Variants in DNAH8 observed in about 807,000 individuals in gnomAD.
DNAH8 encodes axonemal beta dynein heavy chain 8.
DNAH8 carries 382 observed loss-of-function variants against 562.1 expected under a neutral mutation model. The observed-to-expected ratio is 0.68, with a 90% CI of 0.63 to 0.74. DNAH8 has a LOEUF of 0.74. Ranked by LOEUF, DNAH8 falls within the 30% of genes least tolerant of loss-of-function variation. The pLI is 0.00. For missense variants in DNAH8, 5,203 were observed against 5,620.4 expected, an observed-to-expected ratio of 0.93 and a Z score of 2.37; for synonymous variants, 1,881 against 1,919.4, an observed-to-expected ratio of 0.98 and a Z score of 0.52.
intron 89 of DNAH8, among the ~76,000 whole-genome samples, chr6:39,011,164 C>T (rs1766188331): frequency 1.7e-5 from 2 of 121,068 alleles, no homozygotes; most frequent in East Asian, 2.8e-4. Context: ...CTAGAAACAA[C>T]CCAATTGCAG....
intron 88 of DNAH8, among the ~76,000 whole-genome samples, chr6:38,995,508 C>T (rs1287954274): frequency 6.6e-6 from 1 of 152,170 alleles, no homozygotes; most frequent in African/African-American, 2.4e-5. Context: ...CCTGTGAAAC[C>T]ATCTGGGCTC....
At chr6:38,793,190 G>A (rs1042713519) in intron 21 of DNAH8, among the ~76,000 whole-genome samples, 116 of 152,200 alleles carry the variant, frequency 7.6e-4, no homozygotes, top group African/African-American at 2.6e-3. Context: ...GATGAGGTCT[G>A]CCACCCAGCC....
chr6:38,812,457 T>C (rs1771883463), intron 24 of DNAH8, among the ~76,000 whole-genome samples: 1 of 152,192 alleles, frequency 6.6e-6, no homozygotes, highest in African/African-American at 2.4e-5. Context: ...GTCTAAAATG[T>C]CTTTCTCTTA....
intron 79 of DNAH8, among the ~76,000 whole-genome samples, chr6:38,941,585 G>A: frequency 6.6e-6 from 1 of 152,154 alleles, no homozygotes; most frequent in African/African-American, 2.4e-5. Flanking sequence ...ATCTAGGGTG[G>A]GGAGGAGGCA....
Position 38,973,695 on chromosome 6 carries a change from G to A in DNAH8, c.12560G>A (p.Gly4187Asp), listed in dbSNP as rs894806968. The part of the protein sequence containing the change: ...GWVLLQNCHL[G>D]LEFMEELLET... ...GTATTACTACAAAATTGCCACCTTG[G>A]CCTGGAATTCATGGAAGAATTACTA... The change falls in exon 84 of 93, where the codon GGC (glycine) becomes GAC (aspartate). Residue 4187 changes from glycine to aspartate, a missense_variant. This residue lies in a region of DNAH8 where 1,399 missense variants were observed against 1,518.4 expected (regional missense o/e 0.92). Transcript: ENST00000327475. 5 of 1,605,902 alleles carry A rather than the reference G, an allele frequency of 3.1e-6. No individual in the cohort carries two copies. The African/African-American group carries it at 6.7e-5, about 22-fold the overall frequency.
Position 38,873,023 on chromosome 6 carries a change from T to C in DNAH8, c.7355T>C (p.Met2452Thr), listed in dbSNP as rs376153263. The C allele has an allele frequency of 6.2e-7, 1 of 1,614,130 alleles. No homozygotes were observed. The highest frequency in any genetic ancestry group is 2.2e-5 in the East Asian group (1 of 44,872). The change falls in exon 51 of 93, where the codon ATG becomes ACG. Residue 2452 changes from methionine to threonine, a missense_variant. By Grantham distance (81) the Met-to-Thr change is moderately conservative. Transcript: ENST00000327475. ...TTAGCTAATGGAGATCGCATTCCCA[T>C]GGCCCCTAGTTGTAAGCTTCTGTTT... ...LTLANGDRIPMAPSCKLLFEV... is the reference protein window; with the variant it reads ...LTLANGDRIPTAPSCKLLFEV...
chr6:38,717,125 T>A (rs963546072), intron 1 of DNAH8, among the ~76,000 whole-genome samples: 7 of 152,098 alleles, frequency 4.6e-5, no homozygotes, highest in African/African-American at 1.7e-4. Flanking sequence ...GGTAGGAGGA[T>A]CGCTTGAGCC....
intron 23 of DNAH8, among the ~76,000 whole-genome samples, chr6:38,805,913 G>A (rs565385843): frequency 6.6e-6 from 1 of 152,318 alleles, no homozygotes; most frequent in South Asian, 2.1e-4. Flanking sequence ...TCAGAATGGA[G>A]AACTTTGTTC....
chr6:38,770,947 T>C (rs1470827667), intron 12 of DNAH8, among the ~76,000 whole-genome samples: 4 of 152,246 alleles, frequency 2.6e-5, no homozygotes, highest in Non-Finnish European at 5.9e-5. Flanking sequence ...GTCCTCTTTC[T>C]GAGCCAGTGT....
At chr6:38,748,018 A>G (rs1765104341) in intron 8 of DNAH8, among the ~76,000 whole-genome samples, 1 of 152,182 alleles carries the variant, frequency 6.6e-6, no homozygotes, top group African/African-American at 2.4e-5. Context: ...ATGCACCACA[A>G]TTTATTTATC....
intron 79 of DNAH8, among the ~76,000 whole-genome samples, chr6:38,942,918 A>G (rs1287488095): frequency 2.6e-5 from 4 of 152,212 alleles, no homozygotes; most frequent in African/African-American, 9.6e-5. Flanking sequence ...ACCAGAGGAG[A>G]CTGAGAAACA....
chr6:39,013,395 G>A (rs770906363), intron 91 of DNAH8, among the ~76,000 whole-genome samples: 7 of 152,150 alleles, frequency 4.6e-5, no homozygotes, highest in Non-Finnish European at 7.3e-5. Flanking sequence ...GTTTCTTGTA[G>A]CAATATAGGT....
At chr6:38,927,373 G>C (rs6933584) in intron 74 of DNAH8, among the ~76,000 whole-genome samples, 100,518 of 152,050 alleles carry the variant, frequency 0.66, 33,755 homozygotes, top group African/African-American at 0.77. Flanking sequence ...GCCCAGTGCT[G>C]GGAAGCACAC....
At chr6:38,995,990 A>G (rs1412641625) in intron 88 of DNAH8, among the ~76,000 whole-genome samples, 2 of 152,230 alleles carry the variant, frequency 1.3e-5, no homozygotes, top group Non-Finnish European at 2.9e-5. Flanking sequence ...ACTAAGAAGG[A>G]ACTTAGTATT....
At chr6:38,906,106 A>G (rs1174451525) in intron 62 of DNAH8, 148 bp from the exon 63 acceptor site, 4 of 388,866 alleles carry the variant, frequency 1.0e-5, no homozygotes, top group Non-Finnish European at 1.9e-5. Context: ...ATGGGGTTTC[A>G]CCATGTTGGT....
intron 8 of DNAH8, among the ~76,000 whole-genome samples, chr6:38,749,607 A>G (rs1483623858): frequency 6.6e-6 from 1 of 152,154 alleles, no homozygotes; most frequent in East Asian, 1.9e-4. Flanking sequence ...TTTGAATAAA[A>G]GACTTAGTGA....
At chr6:38,801,509 A>G (rs1770775623) in intron 21 of DNAH8, among the ~76,000 whole-genome samples, 1 of 152,196 alleles carries the variant, frequency 6.6e-6, no homozygotes, top group Non-Finnish European at 1.5e-5. Context: ...GGGGATTTCA[A>G]AGCTGGGATG....
At chr6:38,958,534 A>G (rs1194848968) in intron 82 of DNAH8, among the ~76,000 whole-genome samples, 5 of 151,258 alleles carry the variant, frequency 3.3e-5, no homozygotes, top group Non-Finnish European at 7.4e-5. Flanking sequence ...CTTAGAATAA[A>G]TGGATAAATT....
At chr6:38,849,942 A>G (rs1775611057) in intron 37 of DNAH8, among the ~76,000 whole-genome samples, 2 of 152,146 alleles carry the variant, frequency 1.3e-5, no homozygotes, top group Non-Finnish European at 2.9e-5. Flanking sequence ...CTGAAACACT[A>G]GATTGGAACT....
Sources: gnomAD v4.1 joint callset for allele counts (sites outside exome capture counted in the v4.1 genomes callset) on GRCh38, gnomAD v4.1.1 for gene constraint, gnomAD v4.1.1 regional missense constraint, MANE v1.5 for transcripts, NCBI Gene and HGNC (gene_info 2026-07-23, HGNC 2026-07-21) for gene names.